The following GSE1 variants were observed in gnomAD, a reference collection of about 807,000 sequenced individuals.
The protein encoded by GSE1 is genetic suppressor element 1.
GSE1 carries 32 observed loss-of-function variants against 112.6 expected under a neutral mutation model. The observed-to-expected ratio is 0.28, with a 90% CI of 0.21 to 0.38. The LOEUF (loss-of-function observed/expected upper bound fraction) is 0.38. GSE1 is among the 10% of genes least tolerant of loss of function. The probability of loss-of-function intolerance (pLI) is 1.00; values close to 1 mark genes in which losing one functional copy is unlikely to be tolerated. For missense variants in GSE1, 2,348 were observed against 1,699.2 expected (o/e 1.38, Z -6.71); for synonymous variants, 1,115 against 735.6 (o/e 1.52, Z -8.35).
At chr16:85,413,469 T>C (rs1255295945) in intron 2 of GSE1, among the ~76,000 whole-genome samples, 1 of 151,692 alleles carries the variant, frequency 6.6e-6, no homozygotes, top group Non-Finnish European at 1.5e-5. Context: ...CCATCTTCCA[T>C]CACTAATGTC....
At chr16:85,357,499 C>T (rs1038535913) in exon 2 of GSE1, 7 of 1,255,414 alleles carry the variant, frequency 5.6e-6, no homozygotes, top group East Asian at 5.7e-5. Context: ...TGCAGCCAGC[C>T]ACCCTCCCAC....
At position 85,478,951 on chromosome 16, in the gene GSE1, TTTTC is replaced by T. The variant is rs1209023239; in HGVS notation, c.2464+121321_2464+121324del. 1.6e-4 allele frequency among the ~76,000 whole-genome samples: 15 copies of T among 93,620 alleles called. 1 individual carries two copies. The highest frequency in any genetic ancestry group is 3.3e-4 in the South Asian group (1 of 3,076). The allele number at this position is 93,620 out of a possible 152,430, so 61.4% of individuals were successfully genotyped here. ...TCTCTTTCTTTCTTTCTTTCTTTTT[TTTTC>T]TTTCTTTCTTTCCTTCCTTCCTTCC... On this transcript the variant is annotated intron_variant, in intron 2 of 2. Coordinates refer to the GSE1 transcript ENST00000637419.
intron 1 of GSE1, among the ~76,000 whole-genome samples, chr16:85,206,967 C>T (rs949474841): frequency 1.3e-5 from 2 of 152,160 alleles, no homozygotes; most frequent in Admixed American, 1.3e-4. Flanking sequence ...CAGCCTCCGG[C>T]GGCAGTTCTT....
intron 2 of GSE1, among the ~76,000 whole-genome samples, chr16:85,496,406 G>C (rs2051178925): frequency 6.6e-6 from 1 of 152,208 alleles, no homozygotes; most frequent in Non-Finnish European, 1.5e-5. Context: ...ACAGAGAGCA[G>C]AGCGATAAGC....
chr16:85,280,129 G>A (rs970534857), intron 1 of GSE1, among the ~76,000 whole-genome samples: 23 of 152,218 alleles, frequency 1.5e-4, no homozygotes, highest in Admixed American at 1.1e-3. Context: ...ATGCTGTTTC[G>A]GAGCAGATGG....
chr16:85,273,246 A>G (rs551199907), intron 1 of GSE1, among the ~76,000 whole-genome samples: 26 of 152,376 alleles, frequency 1.7e-4, no homozygotes, highest in African/African-American at 6.3e-4. Context: ...CAGTGATGCT[A>G]GGCCATTGAG....
intron 1 of GSE1, among the ~76,000 whole-genome samples, chr16:85,201,576 C>G (rs960985042): frequency 2.6e-5 from 4 of 151,642 alleles, no homozygotes; most frequent in Non-Finnish European, 4.4e-5. Context: ...TGCTTGAACC[C>G]AGGAGGCAGA....
intron 2 of GSE1, among the ~76,000 whole-genome samples, chr16:85,517,665 T>G (rs945515399): frequency 4.6e-5 from 7 of 152,150 alleles, no homozygotes; most frequent in African/African-American, 1.4e-4. Context: ...CCTTTTCTCC[T>G]TTTCTTTTCT....
At chr16:85,612,811 C>T (rs2048079778), upstream of GSE1, among the ~76,000 whole-genome samples, 1 of 152,210 alleles carries the variant, frequency 6.6e-6, no homozygotes, top group Non-Finnish European at 1.5e-5. Context: ...CACGGAGTTA[C>T]CCGTCCGCCC....
In GSE1 at chr16:85,672,773, T is replaced by G. The variant is rs544645697; in HGVS notation, c.*234T>G. On this transcript the variant is annotated 3_prime_UTR_variant, in exon 16 of 16. Transcript: ENST00000253458. ...ACCAATGTAGGATTGCCCACAGTTTTTCTTTTTAAAGGTGGTTTTCGCCCT... is the reference window on the plus strand; with the variant it reads ...ACCAATGTAGGATTGCCCACAGTTTGTCTTTTTAAAGGTGGTTTTCGCCCT... 4.1e-5 allele frequency: 14 copies of G among 345,584 alleles called. 1 individual carries two copies. The South Asian group carries it at 1.1e-3, about 28-fold the overall frequency. 21.4% of individuals were successfully genotyped at this position (345,584 alleles called of 1,614,324 possible). A position where few individuals can be genotyped will look rare whatever the true frequency, so the allele number is the denominator to read the frequency against.
intron 2 of GSE1, among the ~76,000 whole-genome samples, chr16:85,519,357 T>TCACCATCACCAC (rs1342718442): frequency 1.1e-3 from 98 of 91,920 alleles, no homozygotes; most frequent in South Asian, 3.1e-3. Flanking sequence ...ACTATCATCA[T>TCACCATCACCAC]CACCATCACC....
intron 1 of GSE1, among the ~76,000 whole-genome samples, chr16:85,201,075 G>T (rs540579125): frequency 8.3e-4 from 126 of 152,238 alleles, no homozygotes; most frequent in Non-Finnish European, 1.4e-3. Flanking sequence ...TGGGACTAGA[G>T]GTGTTTCTTT....
rs1243884683 is a variant in GSE1 at position 85,668,159 on chromosome 16, T to C, written c.3150T>C (p.Ser1050=). 2 of 1,596,486 alleles carry C rather than the reference T, an allele frequency of 1.3e-6. No individual in the cohort carries two copies. Among genetic ancestry groups the C allele is most frequent in the Non-Finnish European group, 1.7e-6 (2 of 1,169,604 alleles). ...QKHKGSVAVL[S]AEQNHKVDTS... ...CCACAGGGAGCGTGGCTGTGCTGTC[T>C]GCAGAGCAGAACCACAAGGTTGACA... Residue 1050 remains serine (S), a synonymous_variant, in exon 14 of 16, where the codon TCT becomes TCC. Transcript: ENST00000253458.
At chr16:85,624,542 G>A (rs567788889) in intron 1 of GSE1, among the ~76,000 whole-genome samples, 1 of 152,370 alleles carries the variant, frequency 6.6e-6, no homozygotes, top group East Asian at 1.9e-4. Flanking sequence ...GCCACAGGGA[G>A]GGGACCCCAA....
chr16:85,281,043 G>C (rs1040120038), intron 1 of GSE1, among the ~76,000 whole-genome samples: 1 of 152,182 alleles, frequency 6.6e-6, no homozygotes, highest in Non-Finnish European at 1.5e-5. Flanking sequence ...GGAAGTTTGA[G>C]ATGAACGGCT....
intron 2 of GSE1, among the ~76,000 whole-genome samples, chr16:85,439,196 G>A (rs569788892): frequency 4.4e-4 from 67 of 152,360 alleles, no homozygotes; most frequent in African/African-American, 1.5e-3. Context: ...GACCTGGATG[G>A]TGATTTATGT....
At chr16:85,184,162 C>T (rs1323134764) in intron 1 of GSE1, among the ~76,000 whole-genome samples, 2 of 152,154 alleles carry the variant, frequency 1.3e-5, no homozygotes, top group East Asian at 3.9e-4. Flanking sequence ...CTGGGGAGTT[C>T]TGGGGAACAG....
intron 1 of GSE1, among the ~76,000 whole-genome samples, chr16:85,337,189 G>T (rs142862413): frequency 6.6e-6 from 1 of 151,908 alleles, no homozygotes; most frequent in Non-Finnish European, 1.5e-5. Context: ...GGGCACCCCC[G>T]CCTGCTCCTC....
At chr16:85,526,835 A>G (rs1009060170) in intron 2 of GSE1, among the ~76,000 whole-genome samples, 3 of 152,250 alleles carry the variant, frequency 2.0e-5, no homozygotes, top group Non-Finnish European at 4.4e-5. Flanking sequence ...TTAACTGGAA[A>G]AGGTCACCAT....
Sources: gnomAD v4.1 joint callset for allele counts (sites outside exome capture counted in the v4.1 genomes callset) on GRCh38, gnomAD v4.1.1 for gene constraint, MANE v1.5 for transcripts, NCBI Gene and HGNC (gene_info 2026-07-23, HGNC 2026-07-21) for gene names.